LYRM7: variants seen among roughly 807,000 people sequenced by gnomAD.
LYRM7 encodes the protein complex III assembly factor LYRM7.
A neutral mutation model predicts 15.8 loss-of-function variants in LYRM7; 9 were observed. The ratio of observed to expected loss-of-function variants is 0.57; its 90% CI spans 0.34 to 0.99. The LOEUF (loss-of-function observed/expected upper bound fraction) is 0.99, where lower values mean the gene tolerates loss of function less well. Among genes scored for constraint, LYRM7 ranks in the 50% least tolerant of loss-of-function variants. The pLI is 0.02. For synonymous variants in LYRM7, 39 were observed against 39.4 expected (o/e 0.99, Z 0.04); for missense variants, 115 against 119.1 (o/e 0.97, Z 0.16).
chr5:131,199,081 C>T (rs908295105), intron 4 of LYRM7, among the ~76,000 whole-genome samples: 9 of 152,140 alleles, frequency 5.9e-5, no homozygotes, highest in Admixed American at 5.2e-4. Flanking sequence ...GTAGCATTCT[C>T]CAGTTGATAT....
chr5:131,176,322 C>T (rs1424922872), intron 1 of LYRM7, among the ~76,000 whole-genome samples: 2 of 152,136 alleles, frequency 1.3e-5, no homozygotes, highest in Non-Finnish European at 2.9e-5. Context: ...TTTCCCAAAG[C>T]AACTGTACCA....
chr5:131,187,378 A>G (rs1018847464), intron 4 of LYRM7, among the ~76,000 whole-genome samples: 5 of 151,990 alleles, frequency 3.3e-5, no homozygotes, highest in African/African-American at 1.2e-4. Context: ...TTTTTATCAT[A>G]TTTATTTACA....
rs968667708 is a variant in LYRM7 at position 131,200,685 on chromosome 5, G to A, written c.*1084G>A. ...TTATACCTAGAGAAAAATGAAAGTC[G>A]TTTCAAATTTGAAATTTGCCCTTTT... On this transcript the variant is annotated 3_prime_UTR_variant, in exon 5 of 5. Transcript: ENST00000379380. 3.9e-5 allele frequency: 6 copies of A among 152,194 alleles called. No homozygotes were observed. Among genetic ancestry groups the A allele is most frequent in the South Asian group, 2.1e-4 (1 of 4,832 alleles). 9.4% of individuals were successfully genotyped at this position (152,194 alleles called of 1,614,324 possible).
At chr5:131,171,091 G>A (rs1041603614) in intron 1 of LYRM7, 53 bp downstream of exon 1, 2 of 1,473,594 alleles carry the variant, frequency 1.4e-6, no homozygotes, top group Non-Finnish European at 8.9e-7. Context: ...GGGTATGTTC[G>A]CGTCCTTGAG....
At chr5:131,172,717 T>C (rs1245455318) in intron 1 of LYRM7, among the ~76,000 whole-genome samples, 1 of 151,924 alleles carries the variant, frequency 6.6e-6, no homozygotes, top group Non-Finnish European at 1.5e-5. Flanking sequence ...AATAGGAAAG[T>C]GAAACCTAGC....
At chr5:131,188,082 C>T (rs1382982602) in intron 4 of LYRM7, among the ~76,000 whole-genome samples, 1 of 151,826 alleles carries the variant, frequency 6.6e-6, no homozygotes, top group South Asian at 2.1e-4. Flanking sequence ...CATGAAAAAA[C>T]CCCGCCTCTA....
At chr5:131,175,134 A>G (rs1020865706) in intron 1 of LYRM7, among the ~76,000 whole-genome samples, 2 of 146,762 alleles carry the variant, frequency 1.4e-5, no homozygotes, top group African/African-American at 2.7e-5. Context: ...ATAATTCTTA[A>G]GGGTCCTAGG....
At chr5:131,189,865 G>T (rs1340084552) in intron 4 of LYRM7, among the ~76,000 whole-genome samples, 1 of 152,052 alleles carries the variant, frequency 6.6e-6, no homozygotes, top group Non-Finnish European at 1.5e-5. Context: ...GGGCACTGTG[G>T]TTCACACCTG....
chr5:131,182,442 T>G, intron 3 of LYRM7, 143 bp downstream of exon 3: 1 of 798,852 alleles, frequency 1.3e-6, no homozygotes, highest in East Asian at 5.3e-5. Context: ...TTCACTTATT[T>G]GGTATGGCTC....
intron 4 of LYRM7, among the ~76,000 whole-genome samples, chr5:131,197,280 G>C (rs1755981152): frequency 6.6e-6 from 1 of 152,116 alleles, no homozygotes; most frequent in Non-Finnish European, 1.5e-5. Flanking sequence ...TTTGATAAGT[G>C]AAACAAATTA....
intron 4 of LYRM7, among the ~76,000 whole-genome samples, chr5:131,191,809 G>A (rs1307947829): frequency 1.3e-5 from 2 of 152,004 alleles, no homozygotes; most frequent in Non-Finnish European, 2.9e-5. Context: ...TGTAAATTAG[G>A]ATAGCCATTA....
intron 1 of LYRM7, among the ~76,000 whole-genome samples, chr5:131,175,749 G>GGTTTTGTTTTGTTTTGTTTTGTTTT (rs1554089541): frequency 1.3e-5 from 2 of 150,990 alleles, no homozygotes; most frequent in South Asian, 2.1e-4. Context: ...TGCCCAGGCT[G>GGTTTTGTTTTGTTTTGTTTTGTTTT]GTTTTGTTTT....
chr5:131,197,505 CT>C (rs1316975173), intron 4 of LYRM7, among the ~76,000 whole-genome samples: 2 of 139,234 alleles, frequency 1.4e-5, no homozygotes, highest in East Asian at 4.3e-4. Context: ...TTCAGTTTGC[CT>C]TTTGGGTTGA....
In LYRM7 at chr5:131,201,585, G is replaced by A. The variant is rs1276878671; in HGVS notation, c.*1984G>A. The A allele has an allele frequency of 6.6e-6, 1 of 152,216 alleles. No individual in the cohort carries two copies. The highest frequency in any genetic ancestry group is 6.5e-5 in the Admixed American group (1 of 15,268). 9.4% of individuals were successfully genotyped at this position (152,216 alleles called of 1,614,324 possible). A position where few individuals can be genotyped will look rare whatever the true frequency, so the allele number is the denominator to read the frequency against. ...AAATACAGAATTAGCCAGGTGTGGT[G>A]GCACATGTCTGTAATCCCAGCTACT... On this transcript the variant is annotated 3_prime_UTR_variant, in exon 5 of 5. Transcript: ENST00000379380.
chr5:131,198,552 T>A (rs1472182597), intron 4 of LYRM7, among the ~76,000 whole-genome samples: 1 of 152,028 alleles, frequency 6.6e-6, no homozygotes, highest in African/African-American at 2.4e-5. Context: ...TCAATGTATC[T>A]CCTCAAAAAT....
intron 3 of LYRM7, among the ~76,000 whole-genome samples, chr5:131,185,468 T>C (rs554050732): frequency 6.6e-6 from 1 of 152,380 alleles, no homozygotes; most frequent in East Asian, 1.9e-4. Context: ...CTTTAATTGA[T>C]ATTTCCCTGT....
chr5:131,194,256 T>C (rs1755930542), intron 4 of LYRM7, among the ~76,000 whole-genome samples: 1 of 152,192 alleles, frequency 6.6e-6, no homozygotes, highest in Non-Finnish European at 1.5e-5. Context: ...TAAATATAGT[T>C]GGAGTGCATT....
intron 1 of LYRM7, among the ~76,000 whole-genome samples, chr5:131,175,349 A>G (rs1035567442): frequency 6.8e-6 from 1 of 148,078 alleles, no homozygotes; most frequent in African/African-American, 2.5e-5. Context: ...GCAGGCATGC[A>G]CCACCATGCC....
chr5:131,181,296 AAAAAAAATAT>A (rs1315176311), intron 2 of LYRM7, among the ~76,000 whole-genome samples: 1 of 14,460 alleles, frequency 6.9e-5, no homozygotes, highest in African/African-American at 1.7e-4. Flanking sequence ...AAAAAAAAAA[AAAAAAAATAT>A]ATATATATAT....
Sources: gnomAD v4.1 joint callset for allele counts (sites outside exome capture counted in the v4.1 genomes callset) on GRCh38, gnomAD v4.1.1 for gene constraint, MANE v1.5 for transcripts, NCBI Gene and HGNC (gene_info 2026-07-23, HGNC 2026-07-21) for gene names.